The following CSMD2 variants were observed in gnomAD, a reference collection of about 807,000 sequenced individuals.
CSMD2 encodes CUB and sushi domain-containing protein 2.
Under a neutral mutation model 398.5 loss-of-function variants are expected in CSMD2, and 130 were observed. The observed-to-expected ratio is 0.33, with a 90% CI of 0.28 to 0.38. The LOEUF (loss-of-function observed/expected upper bound fraction) is 0.38, where lower values mean the gene tolerates loss of function less well. Among genes scored for constraint, CSMD2 ranks in the 10% least tolerant of loss-of-function variants. The pLI, the probability that CSMD2 is intolerant of heterozygous loss-of-function variation, is 1.00. For synonymous variants in CSMD2, 1,828 were observed against 1,908.5 expected (o/e 0.96, Z 1.10); for missense variants, 3,829 against 4,764.9 (o/e 0.80, Z 5.78).
At chr1:33,929,411 G>A (rs182084925) in intron 4 of CSMD2, among the ~76,000 whole-genome samples, 1 of 145,482 alleles carries the variant, frequency 6.9e-6, no homozygotes, top group East Asian at 2.0e-4. Flanking sequence ...GTTGCCTCCT[G>A]AACTCAGAAC....
At chr1:33,596,631 A>C (rs1163648724) in intron 44 of CSMD2, among the ~76,000 whole-genome samples, 1 of 152,194 alleles carries the variant, frequency 6.6e-6, no homozygotes, top group Non-Finnish European at 1.5e-5. Flanking sequence ...AAGGAGAAGA[A>C]TGAGAGCCCA....
At chr1:33,918,403 G>T in intron 4 of CSMD2, 102 bp from the exon 5 acceptor site, 1 of 935,336 alleles carries the variant, frequency 1.1e-6, no homozygotes, top group Non-Finnish European at 1.6e-6. Flanking sequence ...TCTCCCAAGA[G>T]TACAATTCAC....
At chr1:33,599,314 T>A (rs1640056290) in intron 44 of CSMD2, 4 of 152,242 alleles carry the variant, frequency 2.6e-5, no homozygotes, top group Non-Finnish European at 5.9e-5. Flanking sequence ...ACAAGAGACC[T>A]GGCCTACCAC....
intron 57 of CSMD2, among the ~76,000 whole-genome samples, chr1:33,544,831 T>TTATATATATATATA (rs56072818): frequency 0.015 from 2,076 of 141,752 alleles, 27 homozygotes; most frequent in African/African-American, 0.025. Context: ...CACTGTGCAT[T>TTATATATATATATA]TATATATATA....
At chr1:33,752,502 G>T (rs906817002) in intron 13 of CSMD2, among the ~76,000 whole-genome samples, 5 of 152,170 alleles carry the variant, frequency 3.3e-5, no homozygotes, top group African/African-American at 1.2e-4. Context: ...TGTACAGCCT[G>T]CAGAACCACG....
intron 5 of CSMD2, among the ~76,000 whole-genome samples, chr1:33,848,130 T>A (rs941508221): frequency 2.6e-5 from 4 of 152,134 alleles, no homozygotes; most frequent in Non-Finnish European, 5.9e-5. Context: ...TGTGAAACAG[T>A]CATTCATCAA....
At chr1:33,925,109 C>T (rs1230684531) in intron 4 of CSMD2, among the ~76,000 whole-genome samples, 2 of 152,146 alleles carry the variant, frequency 1.3e-5, no homozygotes, top group African/African-American at 4.8e-5. Context: ...AGGTCTTAGC[C>T]ATAAAATCTT....
intron 3 of CSMD2, among the ~76,000 whole-genome samples, chr1:33,940,543 C>T (rs1455933792): frequency 2.0e-5 from 3 of 151,802 alleles, no homozygotes; most frequent in African/African-American, 7.3e-5. Context: ...ATGGAGTATC[C>T]TCATTTTACA....
intron 5 of CSMD2, among the ~76,000 whole-genome samples, chr1:33,865,925 T>C (rs997466914): frequency 6.6e-6 from 1 of 152,152 alleles, no homozygotes; most frequent in African/African-American, 2.4e-5. Context: ...TCAATAAAGA[T>C]TGAAATGGAA....
At chr1:33,803,662 A>C (rs1363067855) in intron 10 of CSMD2, among the ~76,000 whole-genome samples, 1 of 152,010 alleles carries the variant, frequency 6.6e-6, no homozygotes, top group Non-Finnish European at 1.5e-5. Context: ...CTATCTCCTA[A>C]ATCTCTCTCA....
At chr1:33,760,400 T>G (rs553150) in intron 13 of CSMD2, among the ~76,000 whole-genome samples, 45,770 of 152,088 alleles carry the variant, frequency 0.3, 7,708 homozygotes, top group African/African-American at 0.45. Context: ...TCCTGCCCTA[T>G]GCTACTGGGA....
intron 2 of CSMD2, among the ~76,000 whole-genome samples, chr1:34,082,368 G>A (rs1490348963): frequency 1.3e-5 from 2 of 151,640 alleles, no homozygotes; most frequent in Non-Finnish European, 2.9e-5. Context: ...CGCCCCGTCT[G>A]GGAGGTGGGG....
intron 5 of CSMD2, among the ~76,000 whole-genome samples, chr1:33,890,797 A>C (rs1030265582): frequency 1.3e-5 from 2 of 152,116 alleles, no homozygotes; most frequent in Non-Finnish European, 1.5e-5. Flanking sequence ...CAATGGGGAA[A>C]GGATTCCCTA....
chr1:33,586,695 T>C (rs1461741034), intron 45 of CSMD2, 78 bp from the exon 46 acceptor site: 24 of 898,246 alleles, frequency 2.7e-5, no homozygotes, highest in Admixed American at 2.2e-4. Flanking sequence ...CCAGGTGAGA[T>C]AATCAGAGGC....
At chr1:34,091,485 T>C (rs1001035754) in intron 1 of CSMD2, among the ~76,000 whole-genome samples, 1 of 152,172 alleles carries the variant, frequency 6.6e-6, no homozygotes, top group Non-Finnish European at 1.5e-5. Context: ...GATTCAAACA[T>C]AAGTATTCCA....
chr1:33,787,375 G>A (rs185427431), intron 12 of CSMD2, among the ~76,000 whole-genome samples: 2 of 152,298 alleles, frequency 1.3e-5, no homozygotes, highest in Admixed American at 1.3e-4. Flanking sequence ...TACACTGGGG[G>A]TATGCTGTGT....
chr1:33,679,200 T>C (rs938480796), intron 25 of CSMD2, among the ~76,000 whole-genome samples: 11 of 3,340 alleles, frequency 3.3e-3, no homozygotes, highest in Admixed American at 7.1e-3. Context: ...ATTGCAGTTG[T>C]TTTTTTTTTT....
chr1:33,771,621 G>A (rs999882985), intron 13 of CSMD2, among the ~76,000 whole-genome samples: 1 of 151,694 alleles, frequency 6.6e-6, no homozygotes, highest in East Asian at 1.9e-4. Flanking sequence ...CAAACTCTCA[G>A]TCATCACAGA....
chr1:33,724,354 C>T, intron 18 of CSMD2, 41 bp from the exon 19 acceptor site: 1 of 1,543,502 alleles, frequency 6.5e-7, no homozygotes, highest in Non-Finnish European at 8.9e-7. Context: ...ACCAGAGGGC[C>T]TCAGGGAGCA....
Sources: allele counts gnomAD v4.1 joint callset (sites outside exome capture counted in the v4.1 genomes callset), GRCh38; gene constraint gnomAD v4.1.1; transcripts MANE v1.5; gene names NCBI Gene and HGNC (gene_info 2026-07-23, HGNC 2026-07-21).